Variants in CFAP44 observed in about 807,000 individuals in gnomAD.
CFAP44 encodes the protein cilia- and flagella-associated protein 44.
Under a neutral mutation model 216.2 loss-of-function variants are expected in CFAP44, and 134 were observed. The ratio of observed to expected loss-of-function variants is 0.62; its 90% CI spans 0.54 to 0.72. The LOEUF (loss-of-function observed/expected upper bound fraction) is 0.72, where lower values mean the gene tolerates loss of function less well. Among genes scored for constraint, CFAP44 ranks in the 30% least tolerant of loss-of-function variants. CFAP44 has a pLI of 0.00. For synonymous variants in CFAP44, 700 were observed against 727.6 expected, an observed-to-expected ratio of 0.96 and a Z score of 0.61; for missense variants, 2,035 against 2,182.1, an observed-to-expected ratio of 0.93 and a Z score of 1.34.
intron 7 of CFAP44, among the ~76,000 whole-genome samples, chr3:113,407,995 A>G (rs539846385): frequency 8.5e-5 from 13 of 152,232 alleles, no homozygotes; most frequent in Non-Finnish European, 1.6e-4. Flanking sequence ...ATCAGAAAAT[A>G]TAAGAAATTG....
Position 113,341,930 on chromosome 3 carries a change from A to G in CFAP44, c.3263-12T>C, listed in dbSNP as rs1446535368. ...GGTAACACTCCCACCTACATAGAGA[A>G]TCAACATTTTTCAGCCTTTTTGAGA... On this transcript the variant is annotated splice_polypyrimidine_tract_variant and intron_variant, in intron 23 of 34. Coordinates refer to ENST00000393845, the MANE Select transcript of CFAP44 (RefSeq NM_001164496.2). 2.0e-6 allele frequency: 3 copies of G among 1,496,236 alleles called. No individual in the cohort carries two copies. The highest frequency in any genetic ancestry group is 2.6e-6 in the Non-Finnish European group (3 of 1,136,086). The allele number at this position is 1,496,236 out of a possible 1,614,324, so 92.7% of individuals were successfully genotyped here. A position where few individuals can be genotyped will look rare whatever the true frequency, so the allele number is the denominator to read the frequency against.
In CFAP44 at chr3:113,400,532, A is replaced by G. The variant is rs771267346; in HGVS notation, c.1474+13T>C. On this transcript the variant is annotated intron_variant, in intron 12 of 34. Transcript: ENST00000393845. The stretch of plus-strand genomic sequence containing the variant: ...CAAGGCCAGACATATTTTTATTAAG[A>G]GTTCCTACTTACAGTCCAAGGCAGT... 9 of 1,549,832 alleles carry G rather than the reference A, an allele frequency of 5.8e-6. No individual in the cohort carries two copies. The Admixed American group carries it at 6.3e-5, about 11-fold the overall frequency.
chr3:113,358,719 T>C, intron 22 of CFAP44, 26 bp downstream of exon 22: 1 of 1,535,478 alleles, frequency 6.5e-7, no homozygotes, highest in Non-Finnish European at 8.7e-7. Flanking sequence ...TCAAACATCT[T>C]AGCTTGTAGA....
chr3:113,374,183 C>T (rs953788771), intron 17 of CFAP44, among the ~76,000 whole-genome samples: 1 of 151,848 alleles, frequency 6.6e-6, no homozygotes, highest in Non-Finnish European at 1.5e-5. Context: ...TCACTTTTGA[C>T]AACAGCAGAC....
chr3:113,389,766 A>C (rs549514950), intron 15 of CFAP44, among the ~76,000 whole-genome samples: 25 of 152,238 alleles, frequency 1.6e-4, no homozygotes, highest in Middle Eastern at 3.4e-3. Context: ...AGAAATAGTA[A>C]AATTCCTAGA....
At chr3:113,378,096 G>A (rs13083453) in intron 17 of CFAP44, among the ~76,000 whole-genome samples, 17,276 of 152,096 alleles carry the variant, frequency 0.11, 1,075 homozygotes, top group Non-Finnish European at 0.15. Flanking sequence ...GGCTGGTCTC[G>A]AACTCTTGGG....
intron 24 of CFAP44, among the ~76,000 whole-genome samples, chr3:113,340,800 T>C (rs1950325823): frequency 6.6e-6 from 1 of 152,254 alleles, no homozygotes; most frequent in Admixed American, 6.5e-5. Flanking sequence ...GGGATTTCTG[T>C]ATCCCGGGGT....
intron 21 of CFAP44, 42 bp downstream of exon 21, chr3:113,363,103 T>C (rs753261027): frequency 2.3e-5 from 34 of 1,506,312 alleles, no homozygotes; most frequent in South Asian, 1.0e-4. Context: ...TATCCAGAAA[T>C]AGCATATGTT....
intron 6 of CFAP44, among the ~76,000 whole-genome samples, chr3:113,411,852 C>T (rs1243915352): frequency 6.6e-6 from 1 of 151,960 alleles, no homozygotes; most frequent in Admixed American, 6.6e-5. Flanking sequence ...TGGAGAGGTC[C>T]TTCACATCCC....
At chr3:113,429,717 C>G (rs1159870952) in intron 2 of CFAP44, among the ~76,000 whole-genome samples, 4 of 151,820 alleles carry the variant, frequency 2.6e-5, no homozygotes, top group African/African-American at 7.3e-5. Flanking sequence ...CCTACCTGTC[C>G]TTTTTCCCTC....
chr3:113,416,033 G>A (rs780698384), intron 6 of CFAP44, among the ~76,000 whole-genome samples: 2 of 151,932 alleles, frequency 1.3e-5, no homozygotes, highest in African/African-American at 4.8e-5. Context: ...TTTATGAATC[G>A]GGGTGCTCTG....
intron 9 of CFAP44, 130 bp from the exon 10 acceptor site, chr3:113,401,869 A>G (rs3732807): frequency 0.062 from 62,784 of 1,012,436 alleles, 2,462 homozygotes; most frequent in East Asian, 0.17. Flanking sequence ...ACAATGAACA[A>G]GTGTGATAAG....
intron 1 of CFAP44, among the ~76,000 whole-genome samples, chr3:113,439,647 T>C (rs1935314156): frequency 6.6e-6 from 1 of 152,236 alleles, no homozygotes; most frequent in Non-Finnish European, 1.5e-5. Context: ...TCTCTGTATG[T>C]TATTTAGGTT....
In CFAP44 at chr3:113,288,641, A is replaced by G. The variant is rs1031440611; in HGVS notation, c.*2916T>C. The G allele has an allele frequency of 6.6e-6, 1 of 152,220 alleles. No homozygotes were observed. The highest frequency in any genetic ancestry group is 1.5e-5 in the Non-Finnish European group (1 of 68,074). 9.4% of individuals were successfully genotyped at this position (152,220 alleles called of 1,614,324 possible). A position where few individuals can be genotyped will look rare whatever the true frequency, so the allele number is the denominator to read the frequency against. ...CTTTTTCTCCTTGATGATCTAAGGT[A>G]GCTGTCAAAATGAAGTCTGGTGAAC... On this transcript the variant is annotated 3_prime_UTR_variant, in exon 35 of 35. Transcript: ENST00000393845.
intron 12 of CFAP44, 91 bp downstream of exon 12, chr3:113,400,454 C>T (rs7647220): frequency 0.38 from 443,294 of 1,156,932 alleles, 86,714 homozygotes; most frequent in East Asian, 0.54. Context: ...GGAAAATCCC[C>T]AAATGCTCTT....
Position 113,291,584 on chromosome 3 carries a change from C to T in CFAP44, c.5538G>A (p.Glu1846=), listed in dbSNP as rs771623663. 241 of 1,537,096 alleles carry T rather than the reference C, an allele frequency of 1.6e-4. No homozygotes were observed. Among genetic ancestry groups the T allele is most frequent in the Non-Finnish European group, 1.9e-4 (223 of 1,146,906 alleles). Residue 1846 remains glutamate (E), a synonymous_variant, in exon 35 of 35, where the codon GAG becomes GAA. Coordinates refer to ENST00000393845, the MANE Select transcript of CFAP44 (RefSeq NM_001164496.2). ...LILPPIQSPR[E]KEIQPADL is the part of the protein sequence containing the mutation. ...AAAGGTCTGCGGGCTGTATCTCTTT[C>T]TCTCGTGGAGACTGAATGGGTGGGA... is the stretch of plus-strand genomic sequence containing the variant.
rs1036237993 is a variant in CFAP44, at chr3:113,327,665, A to G, written c.4271T>C (p.Ile1424Thr). ...TAAGGAATTAACACGTTCTTGAAGT[A>G]TGTTCTCCTGTTTTTCAAAATTCTT... is the stretch of plus-strand genomic sequence containing the variant. ...LLKNFEKQEN[I>T]LQERVNSLDK... Residue 1424 changes from isoleucine (I) to threonine (T), a missense_variant, in exon 27 of 35, where the codon ATA becomes ACA. Coordinates refer to ENST00000393845, the MANE Select transcript of CFAP44 (RefSeq NM_001164496.2). 1 of 1,536,898 alleles carries G rather than the reference A, an allele frequency of 6.5e-7. No individual in the cohort carries two copies. Among genetic ancestry groups the G allele is most frequent in the Admixed American group, 2.0e-5 (1 of 50,984 alleles).
At chr3:113,304,362 T>C (rs1229686795) in intron 31 of CFAP44, 3 of 461,152 alleles carry the variant, frequency 6.5e-6, no homozygotes, top group South Asian at 7.3e-5. Flanking sequence ...TATTATCTAC[T>C]GCATAATGAT....
chr3:113,306,469 C>A, intron 29 of CFAP44, 138 bp from the exon 30 acceptor site: 1 of 979,634 alleles, frequency 1.0e-6, no homozygotes, highest in Non-Finnish European at 1.5e-6. Flanking sequence ...ACACTTATGG[C>A]TTAATTGTTC....
Sources: gnomAD v4.1 joint callset for allele counts (sites outside exome capture counted in the v4.1 genomes callset) on GRCh38, gnomAD v4.1.1 for gene constraint, MANE v1.5 for transcripts, NCBI Gene and HGNC (gene_info 2026-07-23, HGNC 2026-07-21) for gene names.